Variants in KAT7 observed in about 807,000 individuals in gnomAD.
KAT7 encodes the protein lysine acetyltransferase 7.
KAT7 carries 10 observed loss-of-function variants against 82.1 expected under a neutral mutation model. That is an observed-to-expected ratio of 0.12 (90% confidence interval 0.08 to 0.21). The LOEUF (loss-of-function observed/expected upper bound fraction) is 0.21. Among genes scored for constraint, KAT7 ranks in the 10% least tolerant of loss-of-function variants. The pLI is 1.00. For missense variants in KAT7, 378 were observed against 760.9 expected (o/e 0.50, Z 5.92); for synonymous variants, 250 against 262.5 (o/e 0.95, Z 0.46).
chr17:49,796,665 G>A, intron 2 of KAT7, 85 bp from the exon 3 acceptor site: 1 of 997,698 alleles, frequency 1.0e-6, no homozygotes, highest in Non-Finnish European at 1.5e-6. Flanking sequence ...AGAGGAGGAG[G>A]AGCGATATTC....
At chr17:49,797,217 C>G (rs2143861191) in intron 3 of KAT7, among the ~76,000 whole-genome samples, 1 of 152,236 alleles carries the variant, frequency 6.6e-6, no homozygotes, top group Non-Finnish European at 1.5e-5. Flanking sequence ...GCGCCTGCCA[C>G]CACGCCAGGC....
chr17:49,804,143 G>C (rs1278461956), intron 4 of KAT7, among the ~76,000 whole-genome samples: 1 of 152,196 alleles, frequency 6.6e-6, no homozygotes, highest in Non-Finnish European at 1.5e-5. Context: ...ACTTTGGGAG[G>C]CTGAGGCGGG....
At chr17:49,821,909 T>C in intron 11 of KAT7, 119 bp downstream of exon 11, 1 of 819,834 alleles carries the variant, frequency 1.2e-6, no homozygotes, top group Non-Finnish European at 1.9e-6. Flanking sequence ...TGACACCCCT[T>C]CCTTAAATTA....
chr17:49,799,505 T>C (rs959216216), intron 4 of KAT7, among the ~76,000 whole-genome samples: 3 of 152,104 alleles, frequency 2.0e-5, no homozygotes, highest in Non-Finnish European at 1.5e-5. Context: ...TTCAACCTCC[T>C]GAGTAGTTGG....
chr17:49,800,010 C>CTTTTT (rs10694119), intron 4 of KAT7, among the ~76,000 whole-genome samples: 4 of 98,428 alleles, frequency 4.1e-5, no homozygotes, highest in Admixed American at 1.3e-4. Context: ...GTTTCCTGGC[C>CTTTTT]TTTTTTTTTT....
chr17:49,818,080 A>G (rs2074256035), intron 9 of KAT7, 69 bp downstream of exon 9: 10 of 1,316,838 alleles, frequency 7.6e-6, no homozygotes, highest in Admixed American at 3.7e-5. Context: ...AGATTTTGCC[A>G]TAGCGATGGC....
intron 2 of KAT7, among the ~76,000 whole-genome samples, chr17:49,793,983 A>G (rs1037949838): frequency 7.9e-5 from 12 of 152,160 alleles, no homozygotes; most frequent in Admixed American, 7.9e-4. Context: ...TTATTTTTGA[A>G]TTTAGGATTT....
chr17:49,827,605 A>G lies in KAT7; in HGVS notation c.*103A>G, dbSNP rs1281237405. ...TGCTCTTGTGATTGGCAAGTACAGT[A>G]TCCTTTGGGAAGGCCATCCCCCTCA... is the stretch of plus-strand genomic sequence containing the variant. On this transcript the variant is annotated 3_prime_UTR_variant, in exon 15 of 15. Coordinates refer to ENST00000259021, the MANE Select transcript of KAT7 (RefSeq NM_007067.5). 3 of 741,312 alleles carry G rather than the reference A, an allele frequency of 4.0e-6. No homozygotes were observed. The highest frequency in any genetic ancestry group is 7.2e-6 in the Non-Finnish European group (3 of 418,722). The allele number at this position is 741,312 out of a possible 1,614,324, so 45.9% of individuals were successfully genotyped here. A position where few individuals can be genotyped will look rare whatever the true frequency, so the allele number is the denominator to read the frequency against.
intron 5 of KAT7, among the ~76,000 whole-genome samples, chr17:49,807,571 G>A (rs897640367): frequency 1.3e-5 from 2 of 152,154 alleles, no homozygotes; most frequent in African/African-American, 4.8e-5. Flanking sequence ...GAAGCATTTG[G>A]GGGGCTTTAA....
At chr17:49,804,755 A>AT (rs2074070562) in intron 4 of KAT7, among the ~76,000 whole-genome samples, 1 of 152,242 alleles carries the variant, frequency 6.6e-6, no homozygotes, top group Non-Finnish European at 1.5e-5. Flanking sequence ...CCTAGGTGAC[A>AT]TAAAAAAATT....
intron 7 of KAT7, 60 bp from the exon 8 acceptor site, chr17:49,815,743 G>T (rs1329843482): frequency 1.0e-6 from 1 of 1,000,984 alleles, no homozygotes; most frequent in Admixed American, 1.7e-5. Context: ...AAATGAAATA[G>T]ATTAAAAAGT....
chr17:49,814,753 CT>C (rs2074212969), intron 7 of KAT7, among the ~76,000 whole-genome samples: 1 of 151,574 alleles, frequency 6.6e-6, no homozygotes, highest in African/African-American at 2.4e-5. Context: ...GAAGAAATAA[CT>C]AATGCGTAGA....
At chr17:49,827,014 CAAGTT>C in intron 14 of KAT7, 2 of 475,408 alleles carry the variant, frequency 4.2e-6, no homozygotes, top group South Asian at 2.9e-5. Flanking sequence ...TTGGATGACA[CAAGTT>C]AAGCAGCTCC....
In KAT7 at chr17:49,830,209, A is replaced by AT. The variant is rs2074413717; in HGVS notation, c.*2707_*2708insT. Reference sequence around the variant, plus strand: ...TTTTTTTTTTTTTTTTTTTTTTTTTAAAAAAAGACAGTCTCACTCTATCAT... The same window carrying AT: ...TTTTTTTTTTTTTTTTTTTTTTTTTATAAAAAAGACAGTCTCACTCTATCAT... On this transcript the variant is annotated 3_prime_UTR_variant, in exon 15 of 15. Transcript: ENST00000259021. 2.9e-5 allele frequency: 2 copies of AT among 68,732 alleles called. No homozygotes were observed. Among genetic ancestry groups the AT allele is most frequent in the Admixed American group, 1.8e-4 (1 of 5,518 alleles). 4.3% of individuals were successfully genotyped at this position (68,732 alleles called of 1,614,324 possible).
intron 4 of KAT7, among the ~76,000 whole-genome samples, chr17:49,801,716 C>T (rs989498731): frequency 6.6e-6 from 1 of 152,174 alleles, no homozygotes; most frequent in African/African-American, 2.4e-5. Context: ...TCTTGAACTC[C>T]TGGGCTCAAG....
In KAT7 at chr17:49,811,549, G is replaced by A. The variant is rs753668478; in HGVS notation, c.827G>A (p.Ser276Asn). ...ELRKKRNSGL[S>N]KEQKEKYMEH... ...AGGAAGAAAAGAAATTCTGGACTGAGCAAAGAACAGAAAGAGAAATATATG... is the reference window on the plus strand; with the variant it reads ...AGGAAGAAAAGAAATTCTGGACTGAACAAAGAACAGAAAGAGAAATATATG... Residue 276 changes from serine (S) to asparagine (N), a missense_variant, in exon 7 of 15, where the codon AGC becomes AAC. Physicochemically the swap from Ser to Asn is conservative, Grantham distance 46. Coordinates refer to ENST00000259021, the MANE Select transcript of KAT7 (RefSeq NM_007067.5). The A allele has an allele frequency of 6.5e-6, 10 of 1,527,050 alleles. No homozygotes were observed. Among genetic ancestry groups the A allele is most frequent in the South Asian group, 1.3e-5 (1 of 79,522 alleles). 94.6% of individuals were successfully genotyped at this position (1,527,050 alleles called of 1,614,324 possible). A position where few individuals can be genotyped will look rare whatever the true frequency, so the allele number is the denominator to read the frequency against.
chr17:49,812,671 G>A (rs184569723), intron 7 of KAT7, among the ~76,000 whole-genome samples: 3 of 152,158 alleles, frequency 2.0e-5, no homozygotes, highest in East Asian at 3.9e-4. Flanking sequence ...ATTTTGATGT[G>A]TGTTCTTTCA....
chr17:49,798,913 A>G (rs1038451602), intron 4 of KAT7, among the ~76,000 whole-genome samples: 6 of 152,216 alleles, frequency 3.9e-5, no homozygotes, highest in African/African-American at 7.2e-5. Context: ...AGGATAAGGT[A>G]GTGCAGAATA....
chr17:49,821,995 C>T (rs1001956127), intron 11 of KAT7, among the ~76,000 whole-genome samples: 1 of 151,904 alleles, frequency 6.6e-6, no homozygotes, highest in Non-Finnish European at 1.5e-5. Flanking sequence ...GCTTCTGGTT[C>T]ATTCATTTCT....
Sources: gnomAD v4.1 joint callset for allele counts (sites outside exome capture counted in the v4.1 genomes callset) on GRCh38, gnomAD v4.1.1 for gene constraint, MANE v1.5 for transcripts, NCBI Gene and HGNC (gene_info 2026-07-23, HGNC 2026-07-21) for gene names.